The following ALPK1 variants were observed in gnomAD, a reference collection of about 807,000 sequenced individuals.
ALPK1 encodes alpha kinase 1.
In ALPK1, 110 loss-of-function variants were observed where a neutral mutation model predicts 120.6. The observed-to-expected ratio is 0.91, with a 90% CI of 0.78 to 1.07. ALPK1 has a LOEUF of 1.07. Among genes scored for constraint, ALPK1 ranks in the 50% least tolerant of loss-of-function variants. The probability of loss-of-function intolerance (pLI) is 0.00; values close to 1 mark genes in which losing one functional copy is unlikely to be tolerated. For missense variants in ALPK1, 1,498 were observed against 1,483.9 expected (o/e 1.01, Z -0.16); for synonymous variants, 582 against 560.3 (o/e 1.04, Z -0.55).
chr4:112,429,601 A>G (rs1734434964), intron 10 of ALPK1, among the ~76,000 whole-genome samples: 1 of 152,196 alleles, frequency 6.6e-6, no homozygotes, highest in Admixed American at 6.5e-5. Context: ...TGGGAGGCCA[A>G]GGTAGGAGGA....
At chr4:112,352,869 A>G (rs1322765031) in intron 2 of ALPK1, 1 of 149,966 alleles carries the variant, frequency 6.7e-6, no homozygotes, top group Non-Finnish European at 1.5e-5. Context: ...GTATGAATGT[A>G]CTTCAATTTC....
chr4:112,340,340 G>A (rs1194738484), intron 2 of ALPK1, among the ~76,000 whole-genome samples: 1 of 151,994 alleles, frequency 6.6e-6, no homozygotes, highest in Non-Finnish European at 1.5e-5. Context: ...TTGCACGGTG[G>A]GAAACCAAAC....
intron 2 of ALPK1, among the ~76,000 whole-genome samples, chr4:112,364,889 G>A (rs936558489): frequency 3.9e-5 from 6 of 152,230 alleles, no homozygotes; most frequent in African/African-American, 1.4e-4. Context: ...CAGGGATGCA[G>A]GGATGGTTTA....
chr4:112,351,574 A>G (rs1035887726), intron 2 of ALPK1, among the ~76,000 whole-genome samples: 2 of 152,046 alleles, frequency 1.3e-5, no homozygotes, highest in East Asian at 3.9e-4. Context: ...CCCGGGTCCA[A>G]GCAATTCTAA....
At chr4:112,367,040 C>A (rs1731192503) in intron 2 of ALPK1, among the ~76,000 whole-genome samples, 1 of 152,086 alleles carries the variant, frequency 6.6e-6, no homozygotes, top group Non-Finnish European at 1.5e-5. Flanking sequence ...ACTTTGAGGA[C>A]TCAGGGGAAA....
chr4:112,429,260 G>T lies in ALPK1; in HGVS notation c.900+7G>T, dbSNP rs761726268. Reference sequence around the variant, plus strand: ...CTTCGTGCTCACAGCTGTGGTAAACGAATGCAGCCGCTCCTCAAACCCCCA... The same window carrying T: ...CTTCGTGCTCACAGCTGTGGTAAACTAATGCAGCCGCTCCTCAAACCCCCA... On this transcript the variant is annotated splice_region_variant and intron_variant, in intron 10 of 15. Transcript: ENST00000650871. 1.9e-6 allele frequency: 3 copies of T among 1,604,646 alleles called. No individual in the cohort carries two copies. The highest frequency in any genetic ancestry group is 2.6e-6 in the Non-Finnish European group (3 of 1,175,766).
chr4:112,337,036 C>T (rs2148704017), intron 2 of ALPK1, among the ~76,000 whole-genome samples: 1 of 152,096 alleles, frequency 6.6e-6, no homozygotes, highest in South Asian at 2.1e-4. Context: ...GTTTATTATA[C>T]TTCTAAAGTC....
chr4:112,352,660 G>A (rs971889165), intron 2 of ALPK1: 2 of 152,076 alleles, frequency 1.3e-5, no homozygotes, highest in Non-Finnish European at 2.9e-5. Flanking sequence ...TGATCCACAG[G>A]TGGTTGAATT....
intron 4 of ALPK1, among the ~76,000 whole-genome samples, chr4:112,397,712 A>T (rs984965330): frequency 6.6e-6 from 1 of 152,172 alleles, no homozygotes; most frequent in East Asian, 1.9e-4. Flanking sequence ...ATATCTGTTT[A>T]TGACTTAAAT....
In ALPK1 at chr4:112,372,781, C is replaced by G. The variant is rs143597835; in HGVS notation, c.-100-4897C>G. Among the ~76,000 whole-genome samples the G allele has an allele frequency of 2.3e-3, 345 of 152,206 alleles. 2 individuals carry two copies. The highest frequency in any genetic ancestry group is 8.1e-3 in the African/African-American group (337 of 41,520). ...TTTGACCAACACCCTCCCTAATTCC[C>G]CCCATCCTGCAGTCTCTGGTAACCA... On this transcript the variant is annotated intron_variant, in intron 2 of 15. Coordinates refer to ENST00000650871, the MANE Select transcript of ALPK1 (RefSeq NM_025144.4).
At chr4:112,320,388 T>C (rs1728815560) in intron 2 of ALPK1, among the ~76,000 whole-genome samples, 1 of 152,246 alleles carries the variant, frequency 6.6e-6, no homozygotes, top group South Asian at 2.1e-4. Flanking sequence ...ATCCCTGGTA[T>C]GAAACCCACT....
chr4:112,411,472 G>T (rs528710180), intron 4 of ALPK1, among the ~76,000 whole-genome samples: 76 of 152,126 alleles, frequency 5.0e-4, no homozygotes, highest in Non-Finnish European at 8.4e-4. Context: ...AGATCCACAC[G>T]CCTCGGCCTC....
intron 3 of ALPK1, among the ~76,000 whole-genome samples, chr4:112,380,636 A>G (rs1009938720): frequency 3.3e-5 from 5 of 152,064 alleles, no homozygotes; most frequent in African/African-American, 1.2e-4. Context: ...TCTTTCTGTC[A>G]TATCTCTTTT....
intron 1 of ALPK1, among the ~76,000 whole-genome samples, chr4:112,310,614 G>T (rs535457074): frequency 2.6e-5 from 4 of 152,168 alleles, no homozygotes; most frequent in Middle Eastern, 6.8e-3. Context: ...TGCAGTACAG[G>T]ATGCTTTTAA....
chr4:112,423,642 G>C, intron 5 of ALPK1: 1 of 505,174 alleles, frequency 2.0e-6, no homozygotes, highest in Non-Finnish European at 3.8e-6. Context: ...GGCACAGCCT[G>C]TTAGAAAAGT....
chr4:112,423,329 A>G (rs967939442), intron 5 of ALPK1, among the ~76,000 whole-genome samples: 1 of 152,208 alleles, frequency 6.6e-6, no homozygotes, highest in African/African-American at 2.4e-5. Flanking sequence ...ACTGAAGTAG[A>G]GGGCCAAGAA....
intron 2 of ALPK1, among the ~76,000 whole-genome samples, chr4:112,362,548 A>T (rs866656156): frequency 5.6e-4 from 85 of 151,698 alleles, no homozygotes; most frequent in African/African-American, 1.9e-3. Flanking sequence ...AAAAAGAATT[A>T]AAAAAAAATG....
chr4:112,357,678 C>A, intron 2 of ALPK1: 1 of 1,598,684 alleles, frequency 6.3e-7, no homozygotes, highest in Non-Finnish European at 8.6e-7. Flanking sequence ...CCAGAGGCCC[C>A]GACGGAGCCC....
At chr4:112,308,326 A>G (rs886118959) in intron 1 of ALPK1, among the ~76,000 whole-genome samples, 1 of 152,064 alleles carries the variant, frequency 6.6e-6, no homozygotes, top group African/African-American at 2.4e-5. Flanking sequence ...TGTCCTGGAT[A>G]ATATCCTGCA....
Sources: gnomAD v4.1 joint callset for allele counts (sites outside exome capture counted in the v4.1 genomes callset) on GRCh38, gnomAD v4.1.1 for gene constraint, MANE v1.5 for transcripts, NCBI Gene and HGNC (gene_info 2026-07-23, HGNC 2026-07-21) for gene names.